ANK2: variants seen among roughly 807,000 people sequenced by gnomAD.
ANK2 encodes the protein ankyrin 2, also known as ankyrin-2.
ANK2 carries 83 observed loss-of-function variants against 360.5 expected under a neutral mutation model. That is an observed-to-expected ratio of 0.23 (90% CI 0.19 to 0.28). The LOEUF (loss-of-function observed/expected upper bound fraction) is 0.28. Among genes scored for constraint, ANK2 ranks in the 10% least tolerant of loss-of-function variants. ANK2 has a pLI of 1.00. For missense variants in ANK2, 4,201 were observed against 4,795.7 expected (o/e 0.88, Z 3.66); for synonymous variants, 1,740 against 1,759.5 (o/e 0.99, Z 0.28).
intron 27 of ANK2, among the ~76,000 whole-genome samples, 193 bp downstream of exon 27, chr4:113,330,663 A>T (rs550011343): frequency 6.6e-6 from 1 of 152,350 alleles, no homozygotes; most frequent in South Asian, 2.1e-4. Context: ...TAAGGCATTA[A>T]TGAGTTAAAC....
upstream of ANK2, among the ~76,000 whole-genome samples, chr4:113,048,248 G>GTGTGTATATA (rs1252407907): frequency 5.5e-5 from 2 of 36,252 alleles, no homozygotes; most frequent in East Asian, 9.7e-4. Flanking sequence ...CTACAAGTGT[G>GTGTGTATATA]TATATATATA....
the ANK2 span, among the ~76,000 whole-genome samples, chr4:112,747,745 C>T: frequency 6.6e-6 from 1 of 152,202 alleles, no homozygotes; most frequent in South Asian, 2.1e-4. Context: ...GAAAGGGTGA[C>T]AGGACAGGAG....
At chr4:113,285,281 C>T (rs2063982577) in intron 18 of ANK2, among the ~76,000 whole-genome samples, 1 of 152,106 alleles carries the variant, frequency 6.6e-6, no homozygotes. Context: ...CACACACCAG[C>T]TGGTGTCCTC....
chr4:112,827,454 CCTT>C, intron 1 of ANK2: 1 of 1,373,280 alleles, frequency 7.3e-7, no homozygotes, highest in East Asian at 2.3e-5. Flanking sequence ...TAAAAGACAA[CCTT>C]CTTGCTTCTG....
intron 2 of ANK2, among the ~76,000 whole-genome samples, chr4:113,039,452 A>G (rs1287329312): frequency 2.0e-5 from 3 of 152,028 alleles, no homozygotes; most frequent in African/African-American, 4.8e-5. Context: ...ACAACAAAAA[A>G]TCGTTTTCTC....
chr4:113,302,383 A>G (rs2075422896), intron 22 of ANK2, among the ~76,000 whole-genome samples: 1 of 152,202 alleles, frequency 6.6e-6, no homozygotes, highest in Non-Finnish European at 1.5e-5. Context: ...AATACATTGC[A>G]TATGTTCATT....
At chr4:113,091,636 T>C (rs560994381) in intron 1 of ANK2, among the ~76,000 whole-genome samples, 1 of 152,228 alleles carries the variant, frequency 6.6e-6, no homozygotes, top group East Asian at 1.9e-4. Flanking sequence ...CGTTATGCAG[T>C]GCTTATTATG....
At chr4:113,103,400 C>T (rs1274586357) in intron 1 of ANK2, among the ~76,000 whole-genome samples, 1 of 152,000 alleles carries the variant, frequency 6.6e-6, no homozygotes, top group East Asian at 1.9e-4. Context: ...CTTCATGATA[C>T]AAAAACATCA....
intron 1 of ANK2, among the ~76,000 whole-genome samples, chr4:113,058,512 C>G (rs2071328771): frequency 6.6e-6 from 1 of 152,028 alleles, no homozygotes; most frequent in African/African-American, 2.4e-5. Context: ...ATTAGGAGAA[C>G]TATATATGAG....
chr4:113,196,315 A>G (rs2098747014), intron 2 of ANK2, 53 bp from the exon 3 acceptor site: 3 of 1,222,472 alleles, frequency 2.5e-6, no homozygotes, highest in African/African-American at 3.1e-5. Flanking sequence ...GGATCAGGGC[A>G]CTATTTTCCT....
chr4:113,326,136 C>T (rs1040067630), intron 26 of ANK2, among the ~76,000 whole-genome samples: 5 of 152,104 alleles, frequency 3.3e-5, no homozygotes, highest in African/African-American at 1.2e-4. Context: ...CGTTTGCTTA[C>T]AATTTTTTTT....
At chr4:113,077,563 C>G (rs1004196986) in intron 1 of ANK2, among the ~76,000 whole-genome samples, 1 of 152,064 alleles carries the variant, frequency 6.6e-6, no homozygotes, top group Non-Finnish European at 1.5e-5. Context: ...GACCATCTGC[C>G]CAGTCCTATT....
chr4:112,987,044 A>C (rs112151769), intron 2 of ANK2, among the ~76,000 whole-genome samples: 2,331 of 152,282 alleles, frequency 0.015, 31 homozygotes, highest in African/African-American at 0.032. Context: ...AACACACACA[A>C]AAAAAATTTC....
intron 45 of ANK2, chr4:113,378,033 T>G (rs998107901): frequency 3.0e-6 from 2 of 673,582 alleles, no homozygotes; most frequent in African/African-American, 3.8e-5. Context: ...AGCAATAGAT[T>G]GTTTGAAAGT....
At chr4:113,083,421 C>T (rs1403790114) in intron 1 of ANK2, among the ~76,000 whole-genome samples, 1 of 152,106 alleles carries the variant, frequency 6.6e-6, no homozygotes, top group Non-Finnish European at 1.5e-5. Flanking sequence ...ATACTCCTCC[C>T]ACTTCACCCT....
intron 1 of ANK2, among the ~76,000 whole-genome samples, chr4:112,822,836 C>T (rs924353171): frequency 6.6e-6 from 1 of 151,388 alleles, no homozygotes; most frequent in East Asian, 1.9e-4. Flanking sequence ...TTAATTTTTT[C>T]CCTGTTGAGA....
At chr4:112,931,049 G>A (rs540443025) in intron 2 of ANK2, among the ~76,000 whole-genome samples, 1 of 152,314 alleles carries the variant, frequency 6.6e-6, no homozygotes, top group South Asian at 2.1e-4. Context: ...ACAAGGTCAT[G>A]GAGGCCTCAA....
At chr4:112,764,712 T>C in the ANK2 span, among the ~76,000 whole-genome samples, 24 of 151,510 alleles carry the variant, frequency 1.6e-4, no homozygotes, top group South Asian at 2.9e-3. Context: ...GTTATCTTTT[T>C]TTTTTTTTTT....
chr4:113,119,970 G>A (rs1562210075), intron 1 of ANK2, among the ~76,000 whole-genome samples: 2 of 151,962 alleles, frequency 1.3e-5, no homozygotes, highest in Non-Finnish European at 2.9e-5. Flanking sequence ...GAAACATGTT[G>A]CATACTTGAC....
Sources: gnomAD v4.1 joint callset for allele counts (sites outside exome capture counted in the v4.1 genomes callset) on GRCh38, gnomAD v4.1.1 for gene constraint, MANE v1.5 for transcripts, NCBI Gene and HGNC (gene_info 2026-07-23, HGNC 2026-07-21) for gene names.